The following LRRC37A2 variants were observed in gnomAD, a reference collection of about 807,000 sequenced individuals.
The protein encoded by LRRC37A2 is leucine rich repeat containing 37 member A2.
In LRRC37A2, 9 loss-of-function variants were observed where a neutral mutation model predicts 68.8. That is an observed-to-expected ratio of 0.13 (90% CI 0.08 to 0.23). The LOEUF (loss-of-function observed/expected upper bound fraction) is 0.23. Ranked by LOEUF, LRRC37A2 falls within the 10% of genes least tolerant of loss-of-function variation. The pLI, the probability that LRRC37A2 is intolerant of heterozygous loss-of-function variation, is 1.00. For synonymous variants in LRRC37A2, 63 were observed against 367.6 expected (o/e 0.17, Z 9.48); for missense variants, 168 against 950.4 (o/e 0.18, Z 10.82).
the LRRC37A2 span, among the ~76,000 whole-genome samples, chr17:46,769,379 T>TG: frequency 1.1e-4 from 17 of 148,690 alleles, no homozygotes; most frequent in African/African-American, 3.7e-4. Flanking sequence ...ATTTAACACA[T>TG]GGGGAAACTG....
At chr17:46,794,148 G>A in the LRRC37A2 span, among the ~76,000 whole-genome samples, 2 of 152,076 alleles carry the variant, frequency 1.3e-5, no homozygotes, top group Non-Finnish European at 2.9e-5. Context: ...AAGTGAAGGA[G>A]GACATAGAAC....
chr17:47,043,272 A>G, the LRRC37A2 span, among the ~76,000 whole-genome samples: 2 of 152,126 alleles, frequency 1.3e-5, no homozygotes, highest in Non-Finnish European at 2.9e-5. Context: ...ATTGACATAT[A>G]AACAAAATGT....
At chr17:46,980,365 T>C in the LRRC37A2 span, among the ~76,000 whole-genome samples, 98 of 151,818 alleles carry the variant, frequency 6.5e-4, no homozygotes, top group African/African-American at 2.3e-3. Context: ...CTTCTTTCTT[T>C]CTCTTCTTCT....
At chr17:46,499,639 G>A in the LRRC37A2 span, among the ~76,000 whole-genome samples, 3 of 113,550 alleles carry the variant, frequency 2.6e-5, no homozygotes, top group Non-Finnish European at 5.0e-5. Context: ...TAATATAATT[G>A]TGCTCACGCT....
At chr17:46,761,144 T>A in the LRRC37A2 span, among the ~76,000 whole-genome samples, 1 of 152,172 alleles carries the variant, frequency 6.6e-6, no homozygotes, top group Non-Finnish European at 1.5e-5. Context: ...CGATTCGTTG[T>A]ATGGCTGAAG....
At chr17:46,985,450 G>A in the LRRC37A2 span, among the ~76,000 whole-genome samples, 44 of 151,970 alleles carry the variant, frequency 2.9e-4, no homozygotes, top group Admixed American at 9.8e-4. Flanking sequence ...AACCTGGGAG[G>A]CGGAGGTTGC....
At chr17:47,020,704 C>T in the LRRC37A2 span, among the ~76,000 whole-genome samples, 1 of 133,472 alleles carries the variant, frequency 7.5e-6, no homozygotes. Context: ...ATGGCGTGAA[C>T]CTGGGAGGCA....
At chr17:46,881,155 C>T in the LRRC37A2 span, among the ~76,000 whole-genome samples, 1 of 152,234 alleles carries the variant, frequency 6.6e-6, no homozygotes, top group Non-Finnish European at 1.5e-5. Flanking sequence ...GAGTGCCTGT[C>T]TCCTGGCTCA....
At chr17:46,681,560 T>C in the LRRC37A2 span, among the ~76,000 whole-genome samples, 1 of 142,446 alleles carries the variant, frequency 7.0e-6, no homozygotes, top group East Asian at 3.1e-4. Flanking sequence ...ACATCTCGTC[T>C]TCAAAAAAAA....
chr17:46,905,211 TA>T, the LRRC37A2 span, among the ~76,000 whole-genome samples: 1 of 152,082 alleles, frequency 6.6e-6, no homozygotes, highest in African/African-American at 2.4e-5. Flanking sequence ...TAGCTGGGAT[TA>T]AAGGTGCCTA....
At chr17:46,720,376 A>ATAT in the LRRC37A2 span, among the ~76,000 whole-genome samples, 1 of 152,104 alleles carries the variant, frequency 6.6e-6, no homozygotes, top group Non-Finnish European at 1.5e-5. Flanking sequence ...GTGACTTTTT[A>ATAT]TATTATTAAG....
the LRRC37A2 span, among the ~76,000 whole-genome samples, chr17:46,967,180 T>C: frequency 1.3e-5 from 2 of 152,246 alleles, no homozygotes; most frequent in African/African-American, 4.8e-5. Context: ...GCATGTGCCA[T>C]GCACTGTGGC....
chr17:46,857,474 C>CAAAAAA, the LRRC37A2 span, among the ~76,000 whole-genome samples: 1 of 94,660 alleles, frequency 1.1e-5, no homozygotes, highest in African/African-American at 3.4e-5. Context: ...GACTCTGTCT[C>CAAAAAA]AAAAAAAAAA....
chr17:46,962,328 C>CAA, the LRRC37A2 span, among the ~76,000 whole-genome samples: 61,726 of 138,672 alleles, frequency 0.45, 13,508 homozygotes, highest in South Asian at 0.51. Flanking sequence ...GACTCCATCT[C>CAA]AAAAAAAAAA....
the LRRC37A2 span, among the ~76,000 whole-genome samples, chr17:46,975,843 G>A: frequency 1.3e-5 from 2 of 152,124 alleles, no homozygotes; most frequent in South Asian, 4.2e-4. Context: ...ATTCAGAACA[G>A]TTAACTTTGC....
chr17:46,880,847 G>A, the LRRC37A2 span, among the ~76,000 whole-genome samples: 2 of 152,158 alleles, frequency 1.3e-5, no homozygotes, highest in Non-Finnish European at 2.9e-5. Flanking sequence ...ATTCAGACAG[G>A]CCAGAGCCTG....
chr17:46,457,730 T>C, the LRRC37A2 span, among the ~76,000 whole-genome samples: 3 of 107,718 alleles, frequency 2.8e-5, no homozygotes, highest in Admixed American at 8.9e-5. Context: ...CTTCCTGGCT[T>C]GGAGGCCTTT....
the LRRC37A2 span, among the ~76,000 whole-genome samples, chr17:46,568,772 G>A: frequency 2.2e-5 from 2 of 89,510 alleles, no homozygotes; most frequent in East Asian, 3.1e-4. Context: ...GCCACTGCAC[G>A]AGACCCTGTC....
chr17:46,802,118 A>T, the LRRC37A2 span, among the ~76,000 whole-genome samples: 1 of 152,180 alleles, frequency 6.6e-6, no homozygotes, highest in Non-Finnish European at 1.5e-5. Context: ...TTCCCAGCGT[A>T]CAACTCCTAA....
Sources: allele counts gnomAD v4.1 joint callset (sites outside exome capture counted in the v4.1 genomes callset), GRCh38; gene constraint gnomAD v4.1.1; transcripts MANE v1.5; gene names NCBI Gene and HGNC (gene_info 2026-07-23, HGNC 2026-07-21).